FAM227B: variants seen among roughly 807,000 people sequenced by gnomAD.
FAM227B encodes family with sequence similarity 227 member B, also known as protein FAM227B.
A neutral mutation model predicts 73.8 loss-of-function variants in FAM227B; 88 were observed. That is an observed-to-expected ratio of 1.19 (90% CI 1.00 to 1.42). The LOEUF is 1.42. Ranked by LOEUF, FAM227B falls within the 40% of genes most tolerant of loss-of-function variation. FAM227B has a pLI of 0.00. For synonymous variants in FAM227B, 210 were observed against 190.5 expected (o/e 1.10, Z -0.84); for missense variants, 632 against 590.9 (o/e 1.07, Z -0.72).
chr15:49,413,188 G>C (rs1231332446), intron 11 of FAM227B, among the ~76,000 whole-genome samples: 2 of 152,114 alleles, frequency 1.3e-5, no homozygotes, highest in African/African-American at 4.8e-5. Context: ...ACATGTTGTG[G>C]GAGGGACCTG....
intron 11 of FAM227B, among the ~76,000 whole-genome samples, chr15:49,417,463 T>C (rs1327501853): frequency 6.6e-6 from 1 of 152,050 alleles, no homozygotes; most frequent in Non-Finnish European, 1.5e-5. Flanking sequence ...ATGGTACTGG[T>C]ACAGAAAGAG....
chr15:49,573,741 A>T (rs2075275660), intron 8 of FAM227B, among the ~76,000 whole-genome samples: 1 of 152,204 alleles, frequency 6.6e-6, no homozygotes, highest in Non-Finnish European at 1.5e-5. Flanking sequence ...GTAGCACAAA[A>T]CCAACTAATA....
At chr15:49,365,305 C>A in intron 13 of FAM227B, 3 of 1,562,706 alleles carry the variant, frequency 1.9e-6, no homozygotes, top group Non-Finnish European at 2.6e-6. Flanking sequence ...CAGGTTGCCC[C>A]TTTTTCATCA....
intron 9 of FAM227B, among the ~76,000 whole-genome samples, chr15:49,545,384 T>C (rs559558054): frequency 6.6e-6 from 1 of 152,348 alleles, no homozygotes; most frequent in East Asian, 1.9e-4. Flanking sequence ...TTGGATCTTC[T>C]ATTTTCTTGC....
intron 9 of FAM227B, among the ~76,000 whole-genome samples, chr15:49,558,913 C>T (rs1340483938): frequency 6.6e-6 from 1 of 152,068 alleles, no homozygotes; most frequent in Admixed American, 6.5e-5. Context: ...CTCATGTGGG[C>T]CCAAAGGTGG....
chr15:49,371,992 AAATGAAATAAAATTCACTTATAAATC>A lies in FAM227B; in HGVS notation c.1013-619_1013-594del, dbSNP rs1195157513. 1.1e-3 allele frequency among the ~76,000 whole-genome samples: 40 copies of A among 34,812 alleles called. 4 individuals are homozygous for A. The South Asian group carries it at 0.015, about 13-fold the overall frequency. 22.8% of individuals were successfully genotyped at this position (34,812 alleles called of 152,430 possible). A position where few individuals can be genotyped will look rare whatever the true frequency, so the allele number is the denominator to read the frequency against. ...AATGAAATAAAATTCACTTATAAAT[AAATGAAATAAAATTCACTTATAAATC>A]AATGAAATAAAATTCACTTATAAAT... On this transcript the variant is annotated intron_variant, in intron 11 of 15. Transcript: ENST00000299338.
intron 11 of FAM227B, among the ~76,000 whole-genome samples, chr15:49,389,200 T>C (rs577258846): frequency 6.6e-5 from 10 of 152,130 alleles, no homozygotes; most frequent in African/African-American, 2.4e-4. Context: ...TGTATGTTTA[T>C]AGCAGCACAA....
At chr15:49,458,182 T>C (rs2053483541) in intron 11 of FAM227B, among the ~76,000 whole-genome samples, 1 of 151,994 alleles carries the variant, frequency 6.6e-6, no homozygotes, top group Non-Finnish European at 1.5e-5. Flanking sequence ...AGTAGGATCT[T>C]AGAGCAGGAA....
chr15:49,328,393 T>G lies in FAM227B; in HGVS notation c.*175A>C. On this transcript the variant is annotated 3_prime_UTR_variant, in exon 16 of 16. Transcript: ENST00000299338. Reference sequence around the variant, plus strand: ...AGCCAAGATCATGCTTGGACAGATCTTTTAAGAATAACTTACTGAGATTTA... The same window carrying G: ...AGCCAAGATCATGCTTGGACAGATCGTTTAAGAATAACTTACTGAGATTTA... 7.0e-7 allele frequency: 1 copy of G among 1,429,758 alleles called. No homozygotes were observed. The highest frequency in any genetic ancestry group is 9.1e-7 in the Non-Finnish European group (1 of 1,095,438). 88.6% of individuals were successfully genotyped at this position (1,429,758 alleles called of 1,614,324 possible).
intron 3 of FAM227B, among the ~76,000 whole-genome samples, chr15:49,606,936 T>A (rs1342345666): frequency 6.6e-6 from 1 of 152,162 alleles, no homozygotes; most frequent in African/African-American, 2.4e-5. Context: ...ACAAAGAAAG[T>A]TAGTCAACAT....
chr15:49,440,605 A>C lies in FAM227B; in HGVS notation c.1012+67606T>G, dbSNP rs186900004. 2.6e-5 allele frequency among the ~76,000 whole-genome samples: 4 copies of C among 151,926 alleles called. No homozygotes were observed. In the East Asian group the frequency reaches 7.8e-4, roughly 30 times the overall value. Reference sequence around the variant, plus strand: ...CATTAATATTTATTAAACAGATGGGAGAATAAAAACTTCTCTTTATTGGGT... The same window carrying C: ...CATTAATATTTATTAAACAGATGGGCGAATAAAAACTTCTCTTTATTGGGT... On this transcript the variant is annotated intron_variant, in intron 11 of 15. Transcript: ENST00000299338.
At chr15:49,375,000 T>A (rs765236521) in intron 11 of FAM227B, among the ~76,000 whole-genome samples, 3 of 152,224 alleles carry the variant, frequency 2.0e-5, no homozygotes, top group Non-Finnish European at 2.9e-5. Context: ...AAATGAGTTA[T>A]ATCTCTCTAC....
chr15:49,344,448 G>T (rs1016578053), intron 13 of FAM227B, among the ~76,000 whole-genome samples: 1 of 152,106 alleles, frequency 6.6e-6, no homozygotes, highest in Non-Finnish European at 1.5e-5. Context: ...AATATAGCAT[G>T]GTACTAACTT....
At chr15:49,575,174 A>T in intron 7 of FAM227B, 65 bp from the exon 8 acceptor site, 2 of 878,126 alleles carry the variant, frequency 2.3e-6, no homozygotes, top group Non-Finnish European at 3.6e-6. Context: ...TGTTAATGTA[A>T]ATAGGCTTTA....
At position 49,364,419 on chromosome 15, in the gene FAM227B, T is replaced by C. The variant is rs78532880; in HGVS notation, c.1271+3029A>G. ...GTGCATAGAGATGTTCATAGTAGTCTTGGAGGTTGTTTTGTATTTCTGTGG... is the reference window on the plus strand; with the variant it reads ...GTGCATAGAGATGTTCATAGTAGTCCTGGAGGTTGTTTTGTATTTCTGTGG... On this transcript the variant is annotated intron_variant, in intron 13 of 15. Coordinates refer to ENST00000299338, the MANE Select transcript of FAM227B (RefSeq NM_152647.3). Among the ~76,000 whole-genome samples, 980 of 152,272 alleles carry C rather than the reference T, an allele frequency of 6.4e-3. 17 individuals are homozygous for C. Among genetic ancestry groups the C allele is most frequent in the African/African-American group, 0.023 (943 of 41,554 alleles).
intron 4 of FAM227B, among the ~76,000 whole-genome samples, chr15:49,588,711 GTGTC>G (rs920577473): frequency 1.3e-5 from 2 of 149,720 alleles, no homozygotes; most frequent in African/African-American, 4.9e-5. Context: ...ACACACATGG[GTGTC>G]TGTGTGTATG....
At chr15:49,497,468 C>A (rs1336259684) in intron 11 of FAM227B, among the ~76,000 whole-genome samples, 2 of 152,168 alleles carry the variant, frequency 1.3e-5, no homozygotes, top group Non-Finnish European at 2.9e-5. Flanking sequence ...CAGTTTCTCA[C>A]CGTCAATCCA....
At chr15:49,336,627 T>C in intron 13 of FAM227B, among the ~76,000 whole-genome samples, 1 of 152,242 alleles carries the variant, frequency 6.6e-6, no homozygotes, top group East Asian at 1.9e-4. Flanking sequence ...CTCATTTTAT[T>C]TATTTTTCAC....
chr15:49,593,678 A>G (rs377440474), intron 3 of FAM227B, among the ~76,000 whole-genome samples: 14 of 151,948 alleles, frequency 9.2e-5, no homozygotes, highest in East Asian at 5.8e-4. Context: ...TGTAAGTGAG[A>G]ACATACGATA....
Sources: allele counts gnomAD v4.1 joint callset (sites outside exome capture counted in the v4.1 genomes callset), GRCh38; gene constraint gnomAD v4.1.1; transcripts MANE v1.5; gene names NCBI Gene and HGNC (gene_info 2026-07-23, HGNC 2026-07-21).